Variants in PLCL1 observed in about 807,000 individuals in gnomAD.
The protein encoded by PLCL1 is inactive phospholipase C-like protein 1.
Under a neutral mutation model 84.4 loss-of-function variants are expected in PLCL1, and 41 were observed. That is an observed-to-expected ratio of 0.49 (90% confidence interval 0.38 to 0.63). The LOEUF (loss-of-function observed/expected upper bound fraction) is 0.63, where lower values mean the gene tolerates loss of function less well. Ranked by LOEUF, PLCL1 falls within the 30% of genes least tolerant of loss-of-function variation. The pLI is 0.00. For missense variants in PLCL1, 1,206 were observed against 1,367.8 expected (o/e 0.88, Z 1.87); for synonymous variants, 490 against 488.3 (o/e 1.00, Z -0.05).
chr2:198,051,969 G>A (rs1177398397), intron 1 of PLCL1, among the ~76,000 whole-genome samples: 2 of 151,878 alleles, frequency 1.3e-5, no homozygotes, highest in Non-Finnish European at 2.9e-5. Context: ...GAGTGCAATG[G>A]CGTGATCTTG....
intron 1 of PLCL1, among the ~76,000 whole-genome samples, chr2:197,818,115 G>C (rs979328287): frequency 1.3e-5 from 2 of 152,050 alleles, no homozygotes; most frequent in African/African-American, 4.8e-5. Context: ...GGAAAGTCCA[G>C]GGAGATTCTT....
At chr2:198,056,539 G>T (rs1692077727) in intron 1 of PLCL1, among the ~76,000 whole-genome samples, 1 of 152,142 alleles carries the variant, frequency 6.6e-6, no homozygotes, top group Admixed American at 6.5e-5. Flanking sequence ...ATCTTTCAAA[G>T]CCTCAGTTTC....
At chr2:198,082,447 A>G (rs1424567078) in intron 1 of PLCL1, among the ~76,000 whole-genome samples, 2 of 152,132 alleles carry the variant, frequency 1.3e-5, no homozygotes, top group African/African-American at 2.4e-5. Flanking sequence ...CTGTCAAAAA[A>G]AAAAAAGTTA....
At chr2:198,057,815 A>C (rs932546821) in intron 1 of PLCL1, among the ~76,000 whole-genome samples, 2 of 152,216 alleles carry the variant, frequency 1.3e-5, no homozygotes, top group African/African-American at 4.8e-5. Context: ...TGATTTTGAA[A>C]GACTTGAATA....
At position 198,042,759 on chromosome 2, in the gene PLCL1, C is replaced by T. The variant is rs75168693; in HGVS notation, c.241-40999C>T. 3.6e-3 allele frequency among the ~76,000 whole-genome samples: 546 copies of T among 152,046 alleles called. 3 individuals are homozygous for T. The highest frequency in any genetic ancestry group is 0.011 in the South Asian group (54 of 4,810). ...CAGAAATACAACATTTGATTTGAGG[C>T]GAATCTATACAATGCCTATGACCTT... On this transcript the variant is annotated intron_variant, in intron 1 of 5. Coordinates refer to ENST00000428675, the MANE Select transcript of PLCL1 (RefSeq NM_006226.4).
At chr2:197,949,867 G>A (rs556954164) in intron 1 of PLCL1, among the ~76,000 whole-genome samples, 11 of 152,100 alleles carry the variant, frequency 7.2e-5, no homozygotes, top group South Asian at 4.1e-4. Context: ...CATTGTGTGC[G>A]TGGGATTTAT....
chr2:198,032,246 T>C (rs973564397), intron 1 of PLCL1, among the ~76,000 whole-genome samples: 19 of 152,342 alleles, frequency 1.2e-4, no homozygotes, highest in African/African-American at 4.3e-4. Context: ...CTTTAAATAT[T>C]TGGACGTTTT....
chr2:198,130,476 T>A (rs529162327), intron 5 of PLCL1, among the ~76,000 whole-genome samples: 9 of 152,200 alleles, frequency 5.9e-5, no homozygotes, highest in South Asian at 4.2e-4. Flanking sequence ...GGCCCAGGTG[T>A]CACTCTCTTT....
chr2:197,944,108 GC>G (rs1351384741), intron 1 of PLCL1, among the ~76,000 whole-genome samples: 3 of 152,202 alleles, frequency 2.0e-5, no homozygotes, highest in African/African-American at 2.4e-5. Flanking sequence ...TTTAGAGTTT[GC>G]GTATCTGGGT....
intron 1 of PLCL1, among the ~76,000 whole-genome samples, chr2:198,062,458 T>C (rs1314177397): frequency 6.6e-6 from 1 of 152,240 alleles, no homozygotes; most frequent in East Asian, 1.9e-4. Flanking sequence ...GAACTGCTTA[T>C]GTAAAATAAT....
At chr2:197,948,916 C>G (rs1689333652) in intron 1 of PLCL1, among the ~76,000 whole-genome samples, 1 of 152,156 alleles carries the variant, frequency 6.6e-6, no homozygotes. Context: ...CTGTGGGTTT[C>G]TAGTCCCATG....
intron 5 of PLCL1, among the ~76,000 whole-genome samples, chr2:198,113,050 G>A (rs1235876167): frequency 6.6e-6 from 1 of 151,836 alleles, no homozygotes; most frequent in East Asian, 1.9e-4. Flanking sequence ...CATTTAGAAG[G>A]CATAGCATCT....
At chr2:198,087,350 G>A (rs1692910829) in intron 2 of PLCL1, among the ~76,000 whole-genome samples, 1 of 151,454 alleles carries the variant, frequency 6.6e-6, no homozygotes, top group African/African-American at 2.4e-5. Flanking sequence ...TGAGACAGTG[G>A]TAAACTTAAA....
At chr2:197,993,601 A>T (rs1242016643) in intron 1 of PLCL1, among the ~76,000 whole-genome samples, 1 of 152,082 alleles carries the variant, frequency 6.6e-6, no homozygotes, top group Non-Finnish European at 1.5e-5. Context: ...GCCTGAGGGG[A>T]CAAGGAGAAG....
At chr2:197,978,304 G>A (rs1014423322) in intron 1 of PLCL1, among the ~76,000 whole-genome samples, 8 of 151,964 alleles carry the variant, frequency 5.3e-5, no homozygotes, top group Non-Finnish European at 7.4e-5. Flanking sequence ...GTGAAACCCC[G>A]TCTCTACTAA....
At chr2:198,038,105 T>C (rs1412681414) in intron 1 of PLCL1, among the ~76,000 whole-genome samples, 1 of 152,186 alleles carries the variant, frequency 6.6e-6, no homozygotes, top group Non-Finnish European at 1.5e-5. Context: ...TTACTGAATT[T>C]TTTGATTAAG....
chr2:197,843,172 A>T (rs1428665537), intron 1 of PLCL1, among the ~76,000 whole-genome samples: 1 of 152,182 alleles, frequency 6.6e-6, no homozygotes, highest in African/African-American at 2.4e-5. Flanking sequence ...GTTGAGAAGG[A>T]TTCTGATGCT....
At chr2:197,816,027 G>T (rs1178710648) in intron 1 of PLCL1, among the ~76,000 whole-genome samples, 1 of 152,058 alleles carries the variant, frequency 6.6e-6, no homozygotes, top group Non-Finnish European at 1.5e-5. Flanking sequence ...CAAGAGAGTG[G>T]GCTCCTATTT....
intron 1 of PLCL1, among the ~76,000 whole-genome samples, chr2:198,009,398 C>T (rs1254472893): frequency 6.6e-6 from 1 of 151,924 alleles, no homozygotes; most frequent in Non-Finnish European, 1.5e-5. Flanking sequence ...ACTCTTTTTG[C>T]ATTTGAATAT....
Sources: gnomAD v4.1 joint callset for allele counts (sites outside exome capture counted in the v4.1 genomes callset) on GRCh38, gnomAD v4.1.1 for gene constraint, MANE v1.5 for transcripts, NCBI Gene and HGNC (gene_info 2026-07-23, HGNC 2026-07-21) for gene names.